Variants in GTF2I observed in about 807,000 individuals in gnomAD.
GTF2I encodes general transcription factor IIi.
A neutral mutation model predicts 67.6 loss-of-function variants in GTF2I; 12 were observed. That is an observed-to-expected ratio of 0.18 (90% confidence interval 0.11 to 0.29). The LOEUF (loss-of-function observed/expected upper bound fraction) is 0.29. GTF2I is among the 10% of genes least tolerant of loss of function. The pLI, the probability that GTF2I is intolerant of heterozygous loss-of-function variation, is 1.00. For synonymous variants in GTF2I, 149 were observed against 197.0 expected (o/e 0.76, Z 2.04); for missense variants, 271 against 580.1 (o/e 0.47, Z 5.47).
chr7:74,692,293 T>C (rs587685424), intron 3 of GTF2I, among the ~76,000 whole-genome samples: 1 of 151,346 alleles, frequency 6.6e-6, no homozygotes, highest in South Asian at 2.1e-4. Flanking sequence ...CAGGCTGGTC[T>C]TGAGCTCCTG....
chr7:74,680,116 ATGT>A (rs1448417026), intron 1 of GTF2I, among the ~76,000 whole-genome samples: 1 of 101,186 alleles, frequency 9.9e-6, no homozygotes, highest in Non-Finnish European at 1.8e-5. Context: ...ATATATATAT[ATGT>A]ATGTATGTAT....
intron 3 of GTF2I, 57 bp downstream of exon 3, chr7:74,691,168 A>T: frequency 8.7e-7 from 1 of 1,152,482 alleles, no homozygotes; most frequent in Non-Finnish European, 1.3e-6. Context: ...AAATATTTGT[A>T]GGTAAGACAA....
intron 25 of GTF2I, 56 bp downstream of exon 25, chr7:74,749,146 GA>G: frequency 6.6e-6 from 2 of 301,550 alleles, no homozygotes; most frequent in Non-Finnish European, 1.2e-5. Context: ...ATGGGAGTAG[GA>G]GGGAGCAGAG....
At chr7:74,697,996 C>T (rs936525042) in intron 3 of GTF2I, among the ~76,000 whole-genome samples, 2 of 150,928 alleles carry the variant, frequency 1.3e-5, no homozygotes, top group African/African-American at 4.9e-5. Context: ...CACTCTGTCG[C>T]CCAGGCTGGA....
At chr7:74,658,257 C>T (rs1554384603) in intron 1 of GTF2I, among the ~76,000 whole-genome samples, 189 bp downstream of exon 1, 2 of 150,086 alleles carry the variant, frequency 1.3e-5, no homozygotes, top group Non-Finnish European at 1.5e-5. Context: ...CCCACCCCCA[C>T]CGCCTCGCCG....
intron 3 of GTF2I, among the ~76,000 whole-genome samples, chr7:74,694,255 A>G (rs1788661728): frequency 6.6e-6 from 1 of 152,268 alleles, no homozygotes. Context: ...CAGAAGAAAA[A>G]TTGGAAGCTA....
At chr7:74,671,446 A>C (rs1283097078) in intron 1 of GTF2I, among the ~76,000 whole-genome samples, 1 of 148,922 alleles carries the variant, frequency 6.7e-6, no homozygotes, top group Non-Finnish European at 1.5e-5. Flanking sequence ...AAAAAGTTAA[A>C]TTTAGCTATT....
intron 17 of GTF2I, among the ~76,000 whole-genome samples, chr7:74,735,825 C>T (rs1339069017): frequency 3.5e-5 from 1 of 28,672 alleles, no homozygotes; most frequent in Non-Finnish European, 6.4e-5. Context: ...CCCGCCACCA[C>T]GCCTGGCTAA....
intron 1 of GTF2I, among the ~76,000 whole-genome samples, chr7:74,660,534 T>C (rs1221279870): frequency 6.6e-6 from 1 of 152,152 alleles, no homozygotes; most frequent in Non-Finnish European, 1.5e-5. Context: ...TTGTTCCTTC[T>C]TAGTCTCCCA....
At chr7:74,706,306 C>T in intron 7 of GTF2I, 84 bp from the exon 8 acceptor site, 1 of 1,145,734 alleles carries the variant, frequency 8.7e-7, no homozygotes, top group African/African-American at 1.5e-5. Context: ...GGGATCTTAA[C>T]ACTTTGAGAC....
chr7:74,720,037 A>T (rs1314118414), intron 12 of GTF2I, among the ~76,000 whole-genome samples: 7 of 152,196 alleles, frequency 4.6e-5, no homozygotes, highest in African/African-American at 1.7e-4. Context: ...GTACAGTGGA[A>T]AGTTTTCTTC....
At chr7:74,719,942 T>C (rs1162009107) in intron 12 of GTF2I, among the ~76,000 whole-genome samples, 6 of 151,914 alleles carry the variant, frequency 3.9e-5, no homozygotes, top group African/African-American at 1.4e-4. Flanking sequence ...AAAATTAAAA[T>C]TAATGTGTCA....
At chr7:74,671,542 A>G (rs1335662183) in intron 1 of GTF2I, among the ~76,000 whole-genome samples, 1 of 151,844 alleles carries the variant, frequency 6.6e-6, no homozygotes, top group Non-Finnish European at 1.5e-5. Flanking sequence ...ACACAGTTGT[A>G]AATCGTTTCA....
intron 1 of GTF2I, among the ~76,000 whole-genome samples, chr7:74,677,882 G>A (rs1554392882): frequency 2.6e-5 from 4 of 151,900 alleles, no homozygotes; most frequent in African/African-American, 9.7e-5. Flanking sequence ...TGGAAAGCTG[G>A]AAGACACCAG....
intron 12 of GTF2I, among the ~76,000 whole-genome samples, chr7:74,721,349 C>A (rs1229420847): frequency 1.3e-5 from 2 of 152,122 alleles, no homozygotes; most frequent in African/African-American, 4.8e-5. Context: ...CCATTCATTT[C>A]TTTTAAACTA....
chr7:74,720,519 T>C (rs1349432561), intron 12 of GTF2I, among the ~76,000 whole-genome samples: 2 of 152,182 alleles, frequency 1.3e-5, no homozygotes, highest in Admixed American at 6.5e-5. Flanking sequence ...CATTTTGCAT[T>C]GTTTACAGTC....
intron 3 of GTF2I, among the ~76,000 whole-genome samples, chr7:74,692,097 T>TG (rs1359880746): frequency 2.8e-5 from 4 of 141,324 alleles, no homozygotes; most frequent in African/African-American, 1.1e-4. Flanking sequence ...TTTTAAGAGA[T>TG]GGGGTCTCGC....
intron 10 of GTF2I, among the ~76,000 whole-genome samples, chr7:74,715,865 CTT>C (rs1264246472): frequency 6.6e-6 from 1 of 152,160 alleles, no homozygotes; most frequent in Admixed American, 6.5e-5. Context: ...CAGTATGGGA[CTT>C]TTAATTCAAG....
Position 74,690,994 on chromosome 7 carries a change from A to G in GTF2I, c.121A>G (p.Lys41Glu), listed in dbSNP as rs587739841. ...GTAGTGTAAAGAACTGGCCAAGTCC[A>G]AAGCCGAAGTGGCCTGCATTGCAGT... ...ESMCKELAKS[K>E]AEVACIAVYE... Residue 41 changes from lysine to glutamate, a missense_variant, in exon 3 of 35, where the codon AAA becomes GAA. Transcript: ENST00000573035. 6.2e-7 allele frequency: 1 copy of G among 1,613,102 alleles called. No individual in the cohort carries two copies. Among genetic ancestry groups the G allele is most frequent in the East Asian group, 2.2e-5 (1 of 44,882 alleles).
Sources: allele counts gnomAD v4.1 joint callset (sites outside exome capture counted in the v4.1 genomes callset), GRCh38; gene constraint gnomAD v4.1.1; transcripts MANE v1.5; gene names NCBI Gene and HGNC (gene_info 2026-07-23, HGNC 2026-07-21).